TRPC3: variants seen among roughly 807,000 people sequenced by gnomAD.
The protein encoded by TRPC3 is transient receptor potential cation channel subfamily C member 3.
Under a neutral mutation model 90.9 loss-of-function variants are expected in TRPC3, and 54 were observed. The observed-to-expected ratio is 0.59, with a 90% CI of 0.48 to 0.75. The LOEUF (loss-of-function observed/expected upper bound fraction) is 0.75. TRPC3 is among the 30% of genes least tolerant of loss of function. The pLI is 0.00. For synonymous variants in TRPC3, 424 were observed against 450.9 expected (o/e 0.94, Z 0.75); for missense variants, 918 against 1,194.5 (o/e 0.77, Z 3.41).
chr4:121,933,205 T>C lies in TRPC3; in HGVS notation c.216-163A>G, dbSNP rs1730015864. On this transcript the variant is annotated intron_variant, in intron 1 of 11. Transcript: ENST00000379645. ...CCGTTGCTAACTACTCGCCTGAAAG[T>C]GACACCTGTGATCTAACCCTGGCTG... 3.0e-6 allele frequency: 4 copies of C among 1,326,756 alleles called. No individual in the cohort carries two copies. The South Asian group carries it at 7.4e-5, about 25-fold the overall frequency. 82.2% of individuals were successfully genotyped at this position (1,326,756 alleles called of 1,614,324 possible).
intron 2 of TRPC3, among the ~76,000 whole-genome samples, chr4:121,928,918 A>G (rs1279212393): frequency 6.6e-6 from 1 of 152,332 alleles, no homozygotes; most frequent in Non-Finnish European, 1.5e-5. Context: ...AAGTTATCAT[A>G]CTGATTAAAA....
chr4:121,893,390 T>G (rs1205836278), intron 10 of TRPC3, among the ~76,000 whole-genome samples: 2 of 152,096 alleles, frequency 1.3e-5, no homozygotes, highest in African/African-American at 2.4e-5. Context: ...ATTATTAAAG[T>G]GGTATTTCAA....
At chr4:121,908,986 A>G (rs924064059) in intron 6 of TRPC3, among the ~76,000 whole-genome samples, 1 of 152,158 alleles carries the variant, frequency 6.6e-6, no homozygotes, top group African/African-American at 2.4e-5. Flanking sequence ...CAGACTTAGA[A>G]AGATTAAAAA....
At chr4:121,898,683 C>T (rs1306877889) in intron 10 of TRPC3, among the ~76,000 whole-genome samples, 1 of 151,960 alleles carries the variant, frequency 6.6e-6, no homozygotes, top group East Asian at 1.9e-4. Context: ...CTGAATGTTA[C>T]CAACACAAAG....
Position 121,951,726 on chromosome 4 carries a change from C to T in TRPC3, c.-46G>A, listed in dbSNP as rs749143960. 5.5e-6 allele frequency: 7 copies of T among 1,283,814 alleles called. No homozygotes were observed. The highest frequency in any genetic ancestry group is 6.0e-6 in the Non-Finnish European group (6 of 1,003,674). The allele number at this position is 1,283,814 out of a possible 1,614,324, so 79.5% of individuals were successfully genotyped here. ...TGTGGGGGTGCCGGCTGCCGGCCTC[C>T]TCCGCCTTCGCGGCAGTGCAGTCTT... On this transcript the variant is annotated 5_prime_UTR_variant, in exon 1 of 12. Coordinates refer to ENST00000379645, the MANE Select transcript of TRPC3 (RefSeq NM_001130698.2). The surrounding 1 kb of genome is among the most constrained non-coding windows in gnomAD (Gnocchi z 4.4).
chr4:121,904,545 G>C, intron 7 of TRPC3, 28 bp from the exon 8 acceptor site: 1 of 1,489,654 alleles, frequency 6.7e-7, no homozygotes, highest in East Asian at 2.3e-5. Flanking sequence ...TACAAAGTAA[G>C]TAAGTTAACA....
Position 121,907,334 on chromosome 4 carries a change from G to C in TRPC3, c.2026C>G (p.Leu676Val). 1 of 1,611,894 alleles carries C rather than the reference G, an allele frequency of 6.2e-7. No individual in the cohort carries two copies. The highest frequency in any genetic ancestry group is 8.5e-7 in the Non-Finnish European group (1 of 1,179,004). The change falls in exon 7 of 12, where the codon CTT (leucine) becomes GTT (valine). Residue 676 changes from leucine (L) to valine (V), a missense_variant. Physicochemically the swap from Leu to Val is conservative, Grantham distance 32. Around this residue, in one of 4 missense-constraint regions of TRPC3, gnomAD observed 147 missense variants for 263.5 expected, o/e 0.56. Coordinates refer to ENST00000379645, the MANE Select transcript of TRPC3 (RefSeq NM_001130698.2). ...AAAGCAGCATTAACTTTAGCCCCAA[G>C]GTAGTAAGAATAAAGTATGAACATG... ...IGMFILYSYY[L>V]GAKVNAAFTT... is the part of the protein sequence containing the mutation.
rs1327081936 is a variant in TRPC3 at position 121,914,870 on chromosome 4, C to T, written c.1251G>A (p.Gln417=). 1 of 1,613,978 alleles carries T rather than the reference C, an allele frequency of 6.2e-7. No homozygotes were observed. Among genetic ancestry groups the T allele is most frequent in the East Asian group, 2.2e-5 (1 of 44,878 alleles). ...CAACGAGACACTTGATAGCTATGGTCTGCTCCCTTAGGCCTGAGAGGTTCT... is the reference window on the plus strand; with the variant it reads ...CAACGAGACACTTGATAGCTATGGTTTGCTCCCTTAGGCCTGAGAGGTTCT... ...WYENLSGLRE[Q]TIAIKCLVVL... is the part of the protein sequence containing the mutation. Residue 417 remains glutamine, a synonymous_variant, in exon 4 of 12, where the codon CAG becomes CAA. Transcript: ENST00000379645.
intron 4 of TRPC3, among the ~76,000 whole-genome samples, chr4:121,913,404 G>T (rs1507991): frequency 0.28 from 42,750 of 151,992 alleles, 6,420 homozygotes; most frequent in East Asian, 0.4. Flanking sequence ...GGTGGTATAC[G>T]GCAGCTCTAA....
chr4:121,936,415 C>T (rs866415625), intron 1 of TRPC3, among the ~76,000 whole-genome samples: 4 of 152,142 alleles, frequency 2.6e-5, no homozygotes, highest in Admixed American at 6.5e-5. Context: ...TTCAACACCG[C>T]GAGAGTGCAT....
chr4:121,880,539 G>A lies in TRPC3; in HGVS notation c.2624-661C>T, dbSNP rs372378200. Among the ~76,000 whole-genome samples, 4 of 152,020 alleles carry A rather than the reference G, an allele frequency of 2.6e-5. No homozygotes were observed. The East Asian group carries it at 5.8e-4, about 22-fold the overall frequency. Reference sequence around the variant, plus strand: ...TTCCTGAAGAGAATAGGAGAGTTTGGGCTATAAAAATAAATTGCTCCCATA... The same window carrying A: ...TTCCTGAAGAGAATAGGAGAGTTTGAGCTATAAAAATAAATTGCTCCCATA... On this transcript the variant is annotated intron_variant, in intron 11 of 11. Transcript: ENST00000379645.
At chr4:121,883,007 T>C (rs991214557) in intron 10 of TRPC3, among the ~76,000 whole-genome samples, 3 of 152,076 alleles carry the variant, frequency 2.0e-5, no homozygotes, top group Middle Eastern at 3.2e-3. Context: ...TTTTGTTATA[T>C]TGCATACGTT....
At chr4:121,946,851 T>C (rs191949604) in intron 1 of TRPC3, among the ~76,000 whole-genome samples, 18 of 152,262 alleles carry the variant, frequency 1.2e-4, no homozygotes, top group Admixed American at 1.0e-3. Context: ...AATTGCTATA[T>C]ACAACTGATA....
intron 3 of TRPC3, among the ~76,000 whole-genome samples, chr4:121,916,464 T>C (rs1461462861): frequency 2.0e-5 from 3 of 152,180 alleles, no homozygotes; most frequent in South Asian, 4.1e-4. Context: ...TGAGTTATTA[T>C]GTTGAGATTC....
chr4:121,926,214 T>G (rs1729705275), intron 2 of TRPC3, among the ~76,000 whole-genome samples: 1 of 152,196 alleles, frequency 6.6e-6, no homozygotes, highest in South Asian at 2.1e-4. Context: ...TGAGGACATC[T>G]GCCCAGCAAC....
At chr4:121,905,971 C>T (rs1728866057) in intron 7 of TRPC3, among the ~76,000 whole-genome samples, 1 of 152,056 alleles carries the variant, frequency 6.6e-6, no homozygotes, top group Non-Finnish European at 1.5e-5. Context: ...CCCGCTCCTT[C>T]CTCTTGCTCC....
In TRPC3 at chr4:121,901,605, G is replaced by A. The variant is rs74595620; in HGVS notation, c.2463+1247C>T. ...TGTACAGGAAAGCACTTTGTAAACT[G>A]TGAATGAGGAAGGGCACTGATATTT... On this transcript the variant is annotated intron_variant, in intron 9 of 11. Transcript: ENST00000379645. 1.1e-3 allele frequency among the ~76,000 whole-genome samples: 174 copies of A among 152,332 alleles called. 1 individual carries two copies. Among genetic ancestry groups the A allele is most frequent in the African/African-American group, 4.0e-3 (166 of 41,584 alleles).
chr4:121,899,846 T>G (rs1728643758), intron 9 of TRPC3, 151 bp from the exon 10 acceptor site: 4 of 633,162 alleles, frequency 6.3e-6, no homozygotes, highest in Non-Finnish European at 1.1e-5. Flanking sequence ...ATGTAATATA[T>G]TCCCAAAGGT....
chr4:121,949,872 C>G (rs1730624945), intron 1 of TRPC3, among the ~76,000 whole-genome samples: 1 of 152,146 alleles, frequency 6.6e-6, no homozygotes, highest in Admixed American at 6.5e-5. Flanking sequence ...TTTCGGAAGG[C>G]AAAGTGAATA....
Sources: gnomAD v4.1 joint callset for allele counts (sites outside exome capture counted in the v4.1 genomes callset) on GRCh38, gnomAD v4.1.1 for gene constraint, gnomAD v4.1.1 regional missense constraint, Gnocchi (gnomAD v3.1) non-coding constraint, MANE v1.5 for transcripts, NCBI Gene and HGNC (gene_info 2026-07-23, HGNC 2026-07-21) for gene names.